Variants in POLN observed in about 807,000 individuals in gnomAD.
POLN encodes the protein DNA polymerase nu.
A neutral mutation model predicts 113.5 loss-of-function variants in POLN; 108 were observed. The ratio of observed to expected loss-of-function variants is 0.95; its 90% CI spans 0.81 to 1.12. The LOEUF is 1.12. POLN is among the 50% of genes most tolerant of loss of function. POLN has a pLI of 0.00. For missense variants in POLN, 1,097 were observed against 1,077.1 expected (o/e 1.02, Z -0.26); for synonymous variants, 386 against 391.5 (o/e 0.99, Z 0.17).
chr4:2,101,482 C>T (rs897379211), intron 19 of POLN, among the ~76,000 whole-genome samples: 1 of 152,188 alleles, frequency 6.6e-6, no homozygotes, highest in Admixed American at 6.5e-5. Context: ...CTCCCCAGTA[C>T]CGGAGGGGGT....
chr4:2,208,173 T>C lies in POLN; in HGVS notation c.528A>G (p.Glu176=). 1 of 1,613,638 alleles carries C rather than the reference T, an allele frequency of 6.2e-7. No homozygotes were observed. The highest frequency in any genetic ancestry group is 8.5e-7 in the Non-Finnish European group (1 of 1,179,514). ...GGTAGCCTTCGGCGTCATCAGTATCTTCTTCCAATGCCATTTGTTTACTTG... is the reference window on the plus strand; with the variant it reads ...GGTAGCCTTCGGCGTCATCAGTATCCTCTTCCAATGCCATTTGTTTACTTG... The part of the protein sequence containing the change: ...EKTSKQMALE[E]DTDDAEGYLN... Residue 176 remains glutamate (E), a synonymous_variant, in exon 5 of 26, where the codon GAA becomes GAG. Coordinates refer to ENST00000511885, the MANE Select transcript of POLN (RefSeq NM_181808.4).
intron 13 of POLN, among the ~76,000 whole-genome samples, chr4:2,163,387 A>T (rs1732649393): frequency 6.6e-6 from 1 of 152,236 alleles, no homozygotes. Flanking sequence ...CTCCCAGTAT[A>T]TCTTGACTTG....
rs114274104 is a variant in POLN, at chr4:2,166,100, C to G, written c.1554+4579G>C. The stretch of plus-strand genomic sequence containing the variant: ...CCATTAAAGTCTATTTTTAAAAAAT[C>G]TAAGATCATAGTTGCTCCCTTACTT... On this transcript the variant is annotated intron_variant, in intron 13 of 25. Transcript: ENST00000511885. Among the ~76,000 whole-genome samples the G allele has an allele frequency of 4.9e-3, 752 of 152,236 alleles. 8 individuals are homozygous for G. Among genetic ancestry groups the G allele is most frequent in the African/African-American group, 0.017 (715 of 41,546 alleles).
In POLN at chr4:2,085,572, G is replaced by A. The variant is rs376827664; in HGVS notation, c.2197+41C>T. The A allele has an allele frequency of 5.0e-6, 8 of 1,610,204 alleles. No homozygotes were observed. The African/African-American group carries it at 1.1e-4, about 22-fold the overall frequency. ...GCTGTCCCCCCATCCTCCCACAGAG[G>A]GTTGGCAGGGAGCAGGGAGCTCTGG... On this transcript the variant is annotated intron_variant, in intron 21 of 25. Transcript: ENST00000511885.
At chr4:2,152,824 G>C (rs1211683593) in intron 16 of POLN, among the ~76,000 whole-genome samples, 1 of 152,164 alleles carries the variant, frequency 6.6e-6, no homozygotes, top group African/African-American at 2.4e-5. Context: ...TCAGTACAGG[G>C]GAAAGTCACC....
At chr4:2,077,861 C>T (rs1166441093) in intron 23 of POLN, among the ~76,000 whole-genome samples, 3 of 152,156 alleles carry the variant, frequency 2.0e-5, no homozygotes, top group Non-Finnish European at 2.9e-5. Flanking sequence ...CTGTCGTCTC[C>T]GTGTGGGGTG....
At chr4:2,177,680 C>T (rs941251097) in intron 8 of POLN, among the ~76,000 whole-genome samples, 1 of 152,226 alleles carries the variant, frequency 6.6e-6, no homozygotes, top group South Asian at 2.1e-4. Context: ...TAAACTGGGA[C>T]TGATAATTCT....
intron 6 of POLN, among the ~76,000 whole-genome samples, chr4:2,194,554 C>A (rs774644089): frequency 2.6e-5 from 4 of 152,106 alleles, no homozygotes; most frequent in Non-Finnish European, 4.4e-5. Context: ...GAGTAAAGAG[C>A]TTATGAAGGA....
chr4:2,174,889 C>A, intron 9 of POLN, 138 bp from the exon 10 acceptor site: 1 of 597,428 alleles, frequency 1.7e-6, no homozygotes, highest in Non-Finnish European at 2.9e-6. Context: ...GTGGCGTGAT[C>A]TCAGCGCACT....
At chr4:2,202,615 T>C (rs1445946143) in intron 5 of POLN, among the ~76,000 whole-genome samples, 2 of 150,110 alleles carry the variant, frequency 1.3e-5, no homozygotes, top group Non-Finnish European at 1.5e-5. Context: ...TCCCAGCTAC[T>C]TGGGAGGCTG....
intron 3 of POLN, among the ~76,000 whole-genome samples, chr4:2,213,879 A>G (rs1734051691): frequency 6.6e-6 from 1 of 152,208 alleles, no homozygotes; most frequent in Admixed American, 6.5e-5. Flanking sequence ...GGCAATTCCA[A>G]TTGGAGACCC....
intron 4 of POLN, among the ~76,000 whole-genome samples, chr4:2,209,480 G>GAA (rs1245386319): frequency 2.5e-4 from 18 of 72,178 alleles, no homozygotes; most frequent in East Asian, 3.3e-4. Context: ...CTCCGTCTCA[G>GAA]AAAAAAAAAA....
intron 18 of POLN, among the ~76,000 whole-genome samples, chr4:2,128,715 G>A (rs888939339): frequency 1.3e-5 from 2 of 152,160 alleles, no homozygotes; most frequent in South Asian, 2.1e-4. Context: ...GTGATGTGAC[G>A]GGACACTGCA....
chr4:2,174,333 A>T (rs111797106), intron 10 of POLN, among the ~76,000 whole-genome samples: 1 of 152,262 alleles, frequency 6.6e-6, no homozygotes, highest in African/African-American at 2.4e-5. Context: ...AGGCAAAGGC[A>T]GAAGAGAGCC....
At chr4:2,201,119 T>C (rs1045910338) in intron 5 of POLN, among the ~76,000 whole-genome samples, 2 of 150,856 alleles carry the variant, frequency 1.3e-5, no homozygotes, top group African/African-American at 4.9e-5. Context: ...TACAAAAAAT[T>C]AGCCGGGCGT....
intron 2 of POLN, among the ~76,000 whole-genome samples, chr4:2,238,313 A>C (rs1734839098): frequency 6.6e-6 from 1 of 152,154 alleles, no homozygotes; most frequent in African/African-American, 2.4e-5. Context: ...CCCAAATCTA[A>C]AATAAGGTAT....
At chr4:2,119,262 T>C (rs1234480597) in intron 19 of POLN, among the ~76,000 whole-genome samples, 1 of 152,260 alleles carries the variant, frequency 6.6e-6, no homozygotes, top group East Asian at 1.9e-4. Flanking sequence ...GCACAGCTGA[T>C]AAGAATTGTT....
intron 23 of POLN, chr4:2,079,632 T>G: frequency 1.0e-6 from 1 of 981,460 alleles, no homozygotes; most frequent in Non-Finnish European, 1.2e-6. Context: ...TCACCCAGGC[T>G]GGAGTGCAGT....
chr4:2,079,823 G>C, intron 23 of POLN: 1 of 965,212 alleles, frequency 1.0e-6, no homozygotes. Flanking sequence ...GACCTCAGGT[G>C]ATCCACCCGT....
Sources: allele counts gnomAD v4.1 joint callset (sites outside exome capture counted in the v4.1 genomes callset), GRCh38; gene constraint gnomAD v4.1.1; transcripts MANE v1.5; gene names NCBI Gene and HGNC (gene_info 2026-07-23, HGNC 2026-07-21).